AAK1: variants seen among roughly 807,000 people sequenced by gnomAD.
The protein encoded by AAK1 is AP2 associated kinase 1, also known as AP2-associated protein kinase 1.
Under a neutral mutation model 116.0 loss-of-function variants are expected in AAK1, and 37 were observed. The observed-to-expected ratio is 0.32, with a 90% CI of 0.25 to 0.42. The LOEUF (loss-of-function observed/expected upper bound fraction) is 0.42. Among genes scored for constraint, AAK1 ranks in the 10% least tolerant of loss-of-function variants. The probability of loss-of-function intolerance (pLI) is 1.00; values close to 1 mark genes in which losing one functional copy is unlikely to be tolerated. For missense variants in AAK1, 919 were observed against 1,170.6 expected, an observed-to-expected ratio of 0.79 and a Z score of 3.14; for synonymous variants, 458 against 439.9, an observed-to-expected ratio of 1.04 and a Z score of -0.51.
At chr2:69,586,604 A>C (rs1261155712) in intron 2 of AAK1, among the ~76,000 whole-genome samples, 1 of 152,182 alleles carries the variant, frequency 6.6e-6, no homozygotes, top group Non-Finnish European at 1.5e-5. Context: ...AGAATAACAA[A>C]GTCAATGCTC....
At position 69,527,434 on chromosome 2, in the gene AAK1, A is replaced by G; in HGVS notation, c.872-115T>C. On this transcript the variant is annotated intron_variant, in intron 8 of 21. Transcript: ENST00000409085. ...TTGTTTTTAAACTTTTATTTTTCATAGAAGTCAGACAGTATAATTATCCCC... is the reference window on the plus strand; with the variant it reads ...TTGTTTTTAAACTTTTATTTTTCATGGAAGTCAGACAGTATAATTATCCCC... The G allele has an allele frequency of 8.4e-6, 6 of 711,746 alleles. No homozygotes were observed. In the South Asian group the frequency reaches 8.6e-5, roughly 10 times the overall value. The allele number at this position is 711,746 out of a possible 1,614,324, so 44.1% of individuals were successfully genotyped here.
intron 11 of AAK1, among the ~76,000 whole-genome samples, chr2:69,520,341 T>C (rs1030446981): frequency 5.5e-4 from 83 of 151,714 alleles, no homozygotes; most frequent in Non-Finnish European, 1.0e-3. Context: ...GCCAGCCATT[T>C]GCGATACAAT....
At chr2:69,480,176 T>A (rs1043302833) in intron 19 of AAK1, among the ~76,000 whole-genome samples, 3 of 151,284 alleles carry the variant, frequency 2.0e-5, no homozygotes, top group Non-Finnish European at 4.4e-5. Flanking sequence ...TTCACCTGCA[T>A]GAATTTATCC....
rs202013778 is a variant in AAK1 at position 69,627,296 on chromosome 2, G to GA, written c.163+15581dup. Among the ~76,000 whole-genome samples, 644 of 95,002 alleles carry GA rather than the reference G, an allele frequency of 6.8e-3. 4 individuals are homozygous for GA. Among genetic ancestry groups the GA allele is most frequent in the Middle Eastern group, 0.022 (4 of 186 alleles). The allele number at this position is 95,002 out of a possible 152,430, so 62.3% of individuals were successfully genotyped here. ...AGAGTGAGACTCTGTCTCAAAAAGA[G>GA]AAAAAAAAAAAAAAAGATTCTCATG... is the stretch of plus-strand genomic sequence containing the variant. On this transcript the variant is annotated intron_variant, in intron 2 of 21. Transcript: ENST00000409085.
chr2:69,640,048 CA>C, intron 2 of AAK1, among the ~76,000 whole-genome samples: 1 of 125,336 alleles, frequency 8.0e-6, no homozygotes. Flanking sequence ...CACACACACA[CA>C]CACACTCTCT....
At chr2:69,482,885 T>C (rs1025796362) in intron 17 of AAK1, 73 bp from the exon 18 acceptor site, 3 of 913,444 alleles carry the variant, frequency 3.3e-6, no homozygotes, top group Non-Finnish European at 5.2e-6. Flanking sequence ...CATTCACTAT[T>C]CTTTAAGCAA....
At chr2:69,622,675 G>A (rs1296559498) in intron 2 of AAK1, among the ~76,000 whole-genome samples, 1 of 150,898 alleles carries the variant, frequency 6.6e-6, no homozygotes, top group Non-Finnish European at 1.5e-5. Flanking sequence ...AATCTGGTGG[G>A]GACTTGGAGA....
At chr2:69,633,055 A>T (rs535991902) in intron 2 of AAK1, among the ~76,000 whole-genome samples, 69 of 151,270 alleles carry the variant, frequency 4.6e-4, no homozygotes, top group South Asian at 1.1e-3. Flanking sequence ...AAATAAAAAT[A>T]AAAAAATTAA....
rs1039696922 is a variant in AAK1 at position 69,471,561 on chromosome 2, C to T, written c.*4308G>A. 1.0e-6 allele frequency: 1 copy of T among 985,320 alleles called. No individual in the cohort carries two copies. The highest frequency in any genetic ancestry group is 1.2e-6 in the Non-Finnish European group (1 of 829,920). The allele number at this position is 985,320 out of a possible 1,614,324, so 61.0% of individuals were successfully genotyped here. A position where few individuals can be genotyped will look rare whatever the true frequency, so the allele number is the denominator to read the frequency against. On this transcript the variant is annotated 3_prime_UTR_variant, in exon 22 of 22. Transcript: ENST00000409085. ...CCAGGCAGCCTCTAATTTGCTTAAC[C>T]CGGCACACTGGGCAATCCTGTCATT...
chr2:69,588,181 T>C (rs1286773807), intron 2 of AAK1, among the ~76,000 whole-genome samples: 1 of 152,164 alleles, frequency 6.6e-6, no homozygotes, highest in Non-Finnish European at 1.5e-5. Context: ...AACCATCCCC[T>C]GTTCCACAGA....
chr2:69,605,523 A>T (rs772490832), intron 2 of AAK1, among the ~76,000 whole-genome samples: 15 of 152,182 alleles, frequency 9.9e-5, no homozygotes, highest in Non-Finnish European at 1.9e-4. Context: ...AGTTTCCCCC[A>T]ATGGTGACAT....
rs1674737478 is a variant in AAK1, at chr2:69,473,196, G to A, written c.*2673C>T. On this transcript the variant is annotated 3_prime_UTR_variant, in exon 22 of 22. Transcript: ENST00000409085. Reference sequence around the variant, plus strand: ...TGGCAAGGGCCAGGATGAGATCCCAGGTGGCCTGTCCTGCCCAGGCCTCTT... The same window carrying A: ...TGGCAAGGGCCAGGATGAGATCCCAAGTGGCCTGTCCTGCCCAGGCCTCTT... 1 of 794,968 alleles carries A rather than the reference G, an allele frequency of 1.3e-6. No individual in the cohort carries two copies. Among genetic ancestry groups the A allele is most frequent in the South Asian group, 5.8e-5 (1 of 17,342 alleles). The allele number at this position is 794,968 out of a possible 1,614,324, so 49.2% of individuals were successfully genotyped here.
intron 5 of AAK1, among the ~76,000 whole-genome samples, chr2:69,542,141 T>TA (rs1013328803): frequency 2.0e-5 from 3 of 151,988 alleles, no homozygotes; most frequent in Non-Finnish European, 2.9e-5. Context: ...TTAGGACAAT[T>TA]AAAAAAAATC....
chr2:69,596,091 A>G (rs1305233681), intron 2 of AAK1, among the ~76,000 whole-genome samples: 3 of 152,208 alleles, frequency 2.0e-5, no homozygotes, highest in East Asian at 3.8e-4. Flanking sequence ...TCGTTGCAAA[A>G]TATTACTGCT....
At chr2:69,505,439 CAT>C (rs144682650) in intron 16 of AAK1, 128 bp downstream of exon 16, 8,016 of 411,766 alleles carry the variant, frequency 0.019, no homozygotes, top group East Asian at 0.024. Context: ...CCATGAAAAA[CAT>C]ATATATATAT....
chr2:69,601,077 A>G (rs1304162018), intron 2 of AAK1, among the ~76,000 whole-genome samples: 1 of 152,256 alleles, frequency 6.6e-6, no homozygotes, highest in Non-Finnish European at 1.5e-5. Context: ...AGTAGACTAT[A>G]GTATAGTGTA....
At chr2:69,529,690 T>C (rs572784615) in intron 8 of AAK1, among the ~76,000 whole-genome samples, 6 of 152,340 alleles carry the variant, frequency 3.9e-5, no homozygotes, top group African/African-American at 1.4e-4. Flanking sequence ...TCACTTGATA[T>C]GAGTCAGCTG....
intron 16 of AAK1, among the ~76,000 whole-genome samples, chr2:69,502,659 T>C (rs1245436546): frequency 6.6e-6 from 1 of 151,974 alleles, no homozygotes; most frequent in Non-Finnish European, 1.5e-5. Flanking sequence ...GTTCTCTGTC[T>C]ACAGTCTTTG....
intron 3 of AAK1, among the ~76,000 whole-genome samples, chr2:69,555,517 C>T (rs1433553080): frequency 2.0e-5 from 3 of 152,200 alleles, no homozygotes. Context: ...GCCACCCTCT[C>T]CATTGTTGGA....
Sources: gnomAD v4.1 joint callset for allele counts (sites outside exome capture counted in the v4.1 genomes callset) on GRCh38, gnomAD v4.1.1 for gene constraint, MANE v1.5 for transcripts, NCBI Gene and HGNC (gene_info 2026-07-23, HGNC 2026-07-21) for gene names.